Variants in FOXN3 observed in about 807,000 individuals in gnomAD.
FOXN3 encodes forkhead box protein N3.
Under a neutral mutation model 38.4 loss-of-function variants are expected in FOXN3, and 7 were observed. That is an observed-to-expected ratio of 0.18 (90% CI 0.10 to 0.34). FOXN3 has a LOEUF of 0.34. Among genes scored for constraint, FOXN3 ranks in the 10% least tolerant of loss-of-function variants. The probability of loss-of-function intolerance (pLI) is 1.00; values close to 1 mark genes in which losing one functional copy is unlikely to be tolerated. For synonymous variants in FOXN3, 230 were observed against 242.2 expected, an observed-to-expected ratio of 0.95 and a Z score of 0.47; for missense variants, 456 against 613.4, an observed-to-expected ratio of 0.74 and a Z score of 2.71.
At position 89,564,467 on chromosome 14, in the gene FOXN3, C is replaced by T. The variant is rs368016442; in HGVS notation, c.-15+54561G>A. On this transcript the variant is annotated intron_variant, in intron 1 of 6. Transcript: ENST00000345097. ...CCTCCTTCCGTGCTAAAAGTGAAAG[C>T]TACATATCATCATCGTTAATAATAC... Among the ~76,000 whole-genome samples the T allele has an allele frequency of 8.5e-5, 13 of 152,222 alleles. No individual in the cohort carries two copies. In the South Asian group the frequency reaches 1.0e-3, roughly 12 times the overall value.
chr14:89,522,412 C>T (rs572100030), intron 1 of FOXN3, among the ~76,000 whole-genome samples: 15 of 152,106 alleles, frequency 9.9e-5, no homozygotes, highest in East Asian at 5.8e-4. Flanking sequence ...TGGAACTCTG[C>T]GTGTACACAA....
At chr14:89,400,497 C>T (rs1175154246) in intron 2 of FOXN3, among the ~76,000 whole-genome samples, 1 of 152,154 alleles carries the variant, frequency 6.6e-6, no homozygotes, top group Non-Finnish European at 1.5e-5. Flanking sequence ...GGCACTAACG[C>T]CCATCCAATT....
chr14:89,557,597 A>G (rs1895153712), intron 1 of FOXN3, among the ~76,000 whole-genome samples: 1 of 152,160 alleles, frequency 6.6e-6, no homozygotes, highest in Non-Finnish European at 1.5e-5. Flanking sequence ...GTGGGGCTTC[A>G]GCAGAATTGC....
At chr14:89,199,919 C>A (rs988313485) in intron 4 of FOXN3, among the ~76,000 whole-genome samples, 7 of 151,964 alleles carry the variant, frequency 4.6e-5, no homozygotes, top group African/African-American at 1.5e-4. Flanking sequence ...ACAACAACAA[C>A]AACAACAACA....
At chr14:89,359,805 T>C (rs1472066184) in intron 2 of FOXN3, among the ~76,000 whole-genome samples, 2 of 152,182 alleles carry the variant, frequency 1.3e-5, no homozygotes, top group African/African-American at 4.8e-5. Context: ...GGCAACAGCC[T>C]GACTTAGAGA....
intron 1 of FOXN3, among the ~76,000 whole-genome samples, chr14:89,525,085 T>C (rs534634696): frequency 1.3e-5 from 2 of 152,182 alleles, no homozygotes; most frequent in African/African-American, 4.8e-5. Context: ...GAGGGGAATA[T>C]GTCAGAGGTG....
chr14:89,531,834 G>C (rs1293711803), intron 1 of FOXN3, among the ~76,000 whole-genome samples: 1 of 151,962 alleles, frequency 6.6e-6, no homozygotes, highest in African/African-American at 2.4e-5. Context: ...TTTTGAGACA[G>C]AGTCTCACCC....
chr14:89,578,493 A>C (rs1895679215), intron 1 of FOXN3, among the ~76,000 whole-genome samples: 2 of 152,162 alleles, frequency 1.3e-5, no homozygotes. Context: ...TACAGCCAGC[A>C]GCACTCCCTG....
intron 1 of FOXN3, among the ~76,000 whole-genome samples, chr14:89,570,209 C>T (rs1015103555): frequency 9.9e-5 from 15 of 152,100 alleles, no homozygotes; most frequent in Non-Finnish European, 1.9e-4. Context: ...CCATGTTAGC[C>T]AGGATGGTCT....
chr14:89,455,250 G>A (rs1203822085), intron 1 of FOXN3, among the ~76,000 whole-genome samples: 4 of 152,316 alleles, frequency 2.6e-5, no homozygotes, highest in South Asian at 4.1e-4. Flanking sequence ...GGACAGACAA[G>A]GGCCTGAAGT....
chr14:89,405,218 C>T (rs1159854028), intron 2 of FOXN3, among the ~76,000 whole-genome samples: 1 of 152,092 alleles, frequency 6.6e-6, no homozygotes, highest in African/African-American at 2.4e-5. Context: ...CTCACCGCAA[C>T]CTCTGCCTCC....
chr14:89,353,131 A>T (rs1012699135), intron 2 of FOXN3, among the ~76,000 whole-genome samples: 13 of 152,252 alleles, frequency 8.5e-5, no homozygotes, highest in Non-Finnish European at 1.0e-4. Flanking sequence ...CTGGAGCCAC[A>T]CAGACGTTTC....
intron 1 of FOXN3, among the ~76,000 whole-genome samples, chr14:89,555,990 T>G (rs1895116148): frequency 6.6e-6 from 1 of 152,110 alleles, no homozygotes; most frequent in African/African-American, 2.4e-5. Flanking sequence ...TCTCTTTTTC[T>G]CTAATGATGA....
At chr14:89,432,238 A>T (rs766798507) in intron 1 of FOXN3, among the ~76,000 whole-genome samples, 12 of 151,908 alleles carry the variant, frequency 7.9e-5, no homozygotes, top group Non-Finnish European at 1.6e-4. Flanking sequence ...TTGCAGGCAG[A>T]CTCCACCTCT....
intron 4 of FOXN3, among the ~76,000 whole-genome samples, chr14:89,220,588 G>A (rs1192353169): frequency 2.0e-5 from 3 of 152,176 alleles, no homozygotes; most frequent in Non-Finnish European, 4.4e-5. Flanking sequence ...ACCAGCCTGG[G>A]TCACGAATGT....
intron 1 of FOXN3, among the ~76,000 whole-genome samples, chr14:89,589,911 A>G (rs931784954): frequency 2.0e-5 from 3 of 152,112 alleles, no homozygotes; most frequent in African/African-American, 4.8e-5. Flanking sequence ...AGCTGTCCCA[A>G]CTTCCCCTCC....
rs370054118 is a variant in FOXN3 at position 89,555,286 on chromosome 14, A to AT, written c.-15+63741dup. Among the ~76,000 whole-genome samples, 29 of 152,276 alleles carry AT rather than the reference A, an allele frequency of 1.9e-4. No individual in the cohort carries two copies. In the East Asian group the frequency reaches 5.6e-3, roughly 29 times the overall value. On this transcript the variant is annotated intron_variant, in intron 1 of 6. Coordinates refer to the FOXN3 transcript ENST00000345097. ...TGGAACTGCTTGGCCAAAGATATGC[A>AT]TTTTCAGTTGCAATTAATATGATCA...
intron 4 of FOXN3, among the ~76,000 whole-genome samples, chr14:89,193,190 G>A (rs898918219): frequency 1.3e-5 from 2 of 152,064 alleles, no homozygotes; most frequent in African/African-American, 2.4e-5. Flanking sequence ...TGCCTCCGCA[G>A]GTGACTCGTA....
intron 1 of FOXN3, among the ~76,000 whole-genome samples, chr14:89,565,691 AAC>A (rs1230483149): frequency 2.0e-5 from 3 of 152,240 alleles, no homozygotes; most frequent in Non-Finnish European, 2.9e-5. Context: ...ACCACTTTCA[AAC>A]TCCAGAACCC....
Sources: gnomAD v4.1 joint callset for allele counts (sites outside exome capture counted in the v4.1 genomes callset) on GRCh38, gnomAD v4.1.1 for gene constraint, MANE v1.5 for transcripts, NCBI Gene and HGNC (gene_info 2026-07-23, HGNC 2026-07-21) for gene names.